The following PRICKLE2 variants were observed in gnomAD, a reference collection of about 807,000 sequenced individuals.
PRICKLE2 encodes the protein prickle-like protein 2.
In PRICKLE2, 21 loss-of-function variants were observed where a neutral mutation model predicts 81.4. The observed-to-expected ratio is 0.26, with a 90% confidence interval of 0.18 to 0.37. The LOEUF (loss-of-function observed/expected upper bound fraction) is 0.37, where lower values mean the gene tolerates loss of function less well. Among genes scored for constraint, PRICKLE2 ranks in the 10% least tolerant of loss-of-function variants. The pLI is 1.00. For synonymous variants in PRICKLE2, 456 were observed against 421.5 expected, an observed-to-expected ratio of 1.08 and a Z score of -1.00; for missense variants, 940 against 1,109.0, an observed-to-expected ratio of 0.85 and a Z score of 2.16.
chr3:64,144,390 A>G (rs697269), intron 7 of PRICKLE2, among the ~76,000 whole-genome samples: 77,496 of 152,154 alleles, frequency 0.51, 21,530 homozygotes, highest in Admixed American at 0.62. Flanking sequence ...AATGTAATTA[A>G]GCAAGCTAAT....
chr3:64,239,358 C>T (rs1178275663), intron 2 of PRICKLE2, among the ~76,000 whole-genome samples: 5 of 152,052 alleles, frequency 3.3e-5, no homozygotes, highest in Non-Finnish European at 7.4e-5. Context: ...AGGTTCAGCT[C>T]GCTGGGATGA....
intron 2 of PRICKLE2, among the ~76,000 whole-genome samples, chr3:64,174,058 T>G (rs908904676): frequency 6.6e-6 from 1 of 152,122 alleles, no homozygotes; most frequent in Non-Finnish European, 1.5e-5. Flanking sequence ...TCCCAAACCT[T>G]AATAAAACTC....
At chr3:64,248,672 A>C (rs2079396304) in intron 2 of PRICKLE2, among the ~76,000 whole-genome samples, 2 of 151,722 alleles carry the variant, frequency 1.3e-5, no homozygotes, top group Admixed American at 6.6e-5. Context: ...AAAACAAAAC[A>C]AAAAAACCAT....
intron 7 of PRICKLE2, among the ~76,000 whole-genome samples, chr3:64,132,335 G>A (rs1391691073): frequency 6.6e-6 from 1 of 152,152 alleles, no homozygotes; most frequent in Non-Finnish European, 1.5e-5. Context: ...CTGGCTGCTG[G>A]TTGGGTTTGA....
intron 2 of PRICKLE2, among the ~76,000 whole-genome samples, chr3:64,260,288 A>G (rs889463545): frequency 1.3e-5 from 2 of 152,188 alleles, no homozygotes; most frequent in African/African-American, 4.8e-5. Flanking sequence ...CTGAAAAGCT[A>G]AGAGTTATCA....
At chr3:64,167,002 T>C (rs2077845024) in intron 2 of PRICKLE2, among the ~76,000 whole-genome samples, 1 of 152,212 alleles carries the variant, frequency 6.6e-6, no homozygotes, top group African/African-American at 2.4e-5. Context: ...GATACAGGAA[T>C]GCTGCCTGCA....
intron 6 of PRICKLE2, among the ~76,000 whole-genome samples, chr3:64,148,664 A>G (rs1375166003): frequency 6.6e-6 from 1 of 152,218 alleles, no homozygotes; most frequent in Non-Finnish European, 1.5e-5. Flanking sequence ...GGAGGTGACT[A>G]GGTCATGAGA....
chr3:64,167,543 C>G (rs562601147), intron 2 of PRICKLE2, among the ~76,000 whole-genome samples: 21 of 152,306 alleles, frequency 1.4e-4, no homozygotes, highest in African/African-American at 5.1e-4. Flanking sequence ...TCAGACAGAT[C>G]GCAAGCACTT....
chr3:64,128,984 C>T (rs1314189446), intron 7 of PRICKLE2, among the ~76,000 whole-genome samples: 1 of 151,776 alleles, frequency 6.6e-6, no homozygotes, highest in East Asian at 1.9e-4. Context: ...GGAGGCTGTC[C>T]TGTGCATTGT....
chr3:64,199,193 A>G lies in PRICKLE2; in HGVS notation c.-40-226T>C. On this transcript the variant is annotated intron_variant, in intron 1 of 7. Transcript: ENST00000638394. The stretch of plus-strand genomic sequence containing the variant: ...AAAGGTCAGAGGCCACCAGGTAAGC[A>G]TGCTAAGGGTGTTTACATGTGGACC... 5 of 602,022 alleles carry G rather than the reference A, an allele frequency of 8.3e-6. No individual in the cohort carries two copies. The South Asian group carries it at 1.0e-4, about 12-fold the overall frequency. 37.3% of individuals were successfully genotyped at this position (602,022 alleles called of 1,614,324 possible).
chr3:64,181,848 G>A (rs926238302), intron 2 of PRICKLE2, among the ~76,000 whole-genome samples: 1 of 152,162 alleles, frequency 6.6e-6, no homozygotes, highest in Non-Finnish European at 1.5e-5. Context: ...CTGGTGAATT[G>A]ATTCAGAAGT....
chr3:64,159,818 TC>T, intron 4 of PRICKLE2, 121 bp downstream of exon 4: 1 of 1,301,594 alleles, frequency 7.7e-7, no homozygotes. Flanking sequence ...AACTTTCCCG[TC>T]TTTTGTTCAC....
intron 2 of PRICKLE2, chr3:64,182,761 G>C (rs1181893768): frequency 1.3e-5 from 2 of 152,068 alleles, no homozygotes; most frequent in Non-Finnish European, 2.9e-5. Context: ...GTGGCTAACA[G>C]ACTAAGACAA....
chr3:64,122,362 G>A (rs958754408), intron 7 of PRICKLE2, among the ~76,000 whole-genome samples: 2 of 152,174 alleles, frequency 1.3e-5, no homozygotes, highest in African/African-American at 2.4e-5. Context: ...ACTTCAGGGT[G>A]TTGTCTGGGA....
chr3:64,128,052 G>T lies in PRICKLE2; in HGVS notation c.1660+18778C>A, dbSNP rs116284397. On this transcript the variant is annotated intron_variant, in intron 7 of 7. Transcript: ENST00000638394. ...AAAAAAAGTTCCACTTCTGTTCACT[G>T]CCCTTTGCAGCAGTTGGGGGTTGCT... Among the ~76,000 whole-genome samples, 673 of 152,170 alleles carry T rather than the reference G, an allele frequency of 4.4e-3. 4 individuals carry two copies. The highest frequency in any genetic ancestry group is 0.014 in the African/African-American group (597 of 41,530).
intron 2 of PRICKLE2, among the ~76,000 whole-genome samples, chr3:64,248,565 G>A (rs144886739): frequency 6.6e-6 from 1 of 151,790 alleles, no homozygotes; most frequent in East Asian, 1.9e-4. Flanking sequence ...CACATCAAAG[G>A]AGTAAGAGGT....
At chr3:64,201,453 A>G (rs2107120278) in intron 1 of PRICKLE2, among the ~76,000 whole-genome samples, 1 of 152,322 alleles carries the variant, frequency 6.6e-6, no homozygotes, top group East Asian at 1.9e-4. Context: ...GGTATAAAAC[A>G]GTATTTAATT....
rs1413543064 is a variant in PRICKLE2 at position 64,238,424 on chromosome 3, T to A, written c.129-39457A>T. Reference sequence around the variant, plus strand: ...ATCACTTGAATCCGGGAGGTGGAGGTTGCAGTGAACCGAGATCACGCCACT... The same window carrying A: ...ATCACTTGAATCCGGGAGGTGGAGGATGCAGTGAACCGAGATCACGCCACT... On this transcript the variant is annotated intron_variant, in intron 2 of 8. Coordinates refer to the PRICKLE2 transcript ENST00000295902. 6.1e-5 allele frequency among the ~76,000 whole-genome samples: 9 copies of A among 147,168 alleles called. No homozygotes were observed. The East Asian group carries it at 8.0e-4, about 13-fold the overall frequency.
At chr3:64,177,674 G>A (rs1038833507) in intron 2 of PRICKLE2, among the ~76,000 whole-genome samples, 15 of 152,056 alleles carry the variant, frequency 9.9e-5, no homozygotes, top group South Asian at 2.1e-4. Flanking sequence ...TGCAATATTC[G>A]TCCTTTGTGT....
Sources: allele counts gnomAD v4.1 joint callset (sites outside exome capture counted in the v4.1 genomes callset), GRCh38; gene constraint gnomAD v4.1.1; transcripts MANE v1.5; gene names NCBI Gene and HGNC (gene_info 2026-07-23, HGNC 2026-07-21).